Variants in THSD7B observed in about 807,000 individuals in gnomAD.
THSD7B encodes the protein thrombospondin type-1 domain-containing protein 7B.
A neutral mutation model predicts 213.6 loss-of-function variants in THSD7B; 138 were observed. That is an observed-to-expected ratio of 0.65 (90% CI 0.56 to 0.74). The LOEUF is 0.74. Among genes scored for constraint, THSD7B ranks in the 30% least tolerant of loss-of-function variants. The pLI, the probability that THSD7B is intolerant of heterozygous loss-of-function variation, is 0.00. For synonymous variants in THSD7B, 742 were observed against 687.0 expected, an observed-to-expected ratio of 1.08 and a Z score of -1.25; for missense variants, 1,931 against 1,991.5, an observed-to-expected ratio of 0.97 and a Z score of 0.58.
At chr2:137,529,032 C>A (rs1267788793) in intron 15 of THSD7B, among the ~76,000 whole-genome samples, 1 of 152,076 alleles carries the variant, frequency 6.6e-6, no homozygotes, top group African/African-American at 2.4e-5. Flanking sequence ...AAATCTTTCT[C>A]TTTACCTTTT....
intron 12 of THSD7B, among the ~76,000 whole-genome samples, chr2:137,308,250 G>A (rs1683803755): frequency 2.0e-5 from 3 of 151,968 alleles, no homozygotes; most frequent in African/African-American, 7.2e-5. Context: ...AAGCAGAAAA[G>A]ATCACCAGGA....
At position 136,825,719 on chromosome 2, in the gene THSD7B, T is replaced by TTTTTTTTTTTTTTGTTTTTTG. The variant is rs35571734; in HGVS notation, c.-35-56412_-35-56411insGTTTTTTGTTTTTTTTTTTTT. Among the ~76,000 whole-genome samples the TTTTTTTTTTTTTTGTTTTTTG allele has an allele frequency of 4.1e-3, 191 of 46,644 alleles. 1 individual carries two copies. Among genetic ancestry groups the TTTTTTTTTTTTTTGTTTTTTG allele is most frequent in the African/African-American group, 0.011 (178 of 16,776 alleles). 30.6% of individuals were successfully genotyped at this position (46,644 alleles called of 152,430 possible). ...GGTGCTCACTGCCATGCCTGGCTAA[T>TTTTTTTTTTTTTTGTTTTTTG]TTTTTTTTTTTTTTTAGATCTGGGG... On this transcript the variant is annotated intron_variant, in intron 1 of 27. Coordinates refer to ENST00000409968, the MANE Select transcript of THSD7B (RefSeq NM_001316349.2).
At chr2:136,829,951 A>G (rs1376571177) in intron 1 of THSD7B, among the ~76,000 whole-genome samples, 1 of 152,000 alleles carries the variant, frequency 6.6e-6, no homozygotes, top group Non-Finnish European at 1.5e-5. Flanking sequence ...TATTTTTATT[A>G]TACAAGCTCT....
At chr2:136,786,243 C>T (rs192239150) in intron 1 of THSD7B, among the ~76,000 whole-genome samples, 7 of 152,200 alleles carry the variant, frequency 4.6e-5, no homozygotes, top group South Asian at 2.1e-4. Context: ...ATCTGTCTGT[C>T]GGTATACATA....
intron 3 of THSD7B, among the ~76,000 whole-genome samples, chr2:137,093,059 A>G (rs1017896961): frequency 3.3e-5 from 5 of 152,188 alleles, no homozygotes; most frequent in Non-Finnish European, 5.9e-5. Context: ...CTCCCAAAGT[A>G]TTGGTTGCCT....
chr2:136,788,710 A>G (rs1181861541), intron 1 of THSD7B, among the ~76,000 whole-genome samples: 2 of 152,254 alleles, frequency 1.3e-5, no homozygotes, highest in East Asian at 3.9e-4. Flanking sequence ...CTTAAGTTTT[A>G]TGGCCCATTT....
intron 5 of THSD7B, among the ~76,000 whole-genome samples, chr2:137,142,202 G>T (rs1364632591): frequency 1.3e-5 from 2 of 152,106 alleles, no homozygotes; most frequent in African/African-American, 4.8e-5. Flanking sequence ...GACTGCTCAA[G>T]GTAAAGGAAT....
At chr2:136,826,791 C>A (rs1008968343) in intron 1 of THSD7B, among the ~76,000 whole-genome samples, 3 of 152,230 alleles carry the variant, frequency 2.0e-5, no homozygotes, top group Admixed American at 1.3e-4. Context: ...TCACACTCTG[C>A]TACTCTTCCC....
chr2:136,994,481 G>C (rs1162662842), intron 2 of THSD7B, among the ~76,000 whole-genome samples: 1 of 152,122 alleles, frequency 6.6e-6, no homozygotes, highest in Non-Finnish European at 1.5e-5. Flanking sequence ...GCAGGAGAAT[G>C]GCATGAACCC....
intron 15 of THSD7B, among the ~76,000 whole-genome samples, chr2:137,556,471 C>G (rs1558838068): frequency 6.6e-6 from 1 of 152,226 alleles, no homozygotes; most frequent in South Asian, 2.1e-4. Context: ...GAAATAAAAT[C>G]CTTTACAGAC....
chr2:137,106,375 C>T (rs985236710), intron 4 of THSD7B, among the ~76,000 whole-genome samples: 7 of 152,162 alleles, frequency 4.6e-5, no homozygotes, highest in Non-Finnish European at 7.3e-5. Context: ...CCCTTCCTTA[C>T]ACCTTATACA....
At chr2:137,596,067 G>T (rs527643978) in intron 17 of THSD7B, among the ~76,000 whole-genome samples, 1 of 151,926 alleles carries the variant, frequency 6.6e-6, no homozygotes, top group African/African-American at 2.4e-5. Context: ...CTTATTGTAG[G>T]GTCAAAAAAA....
chr2:137,025,398 A>G (rs1686531731), intron 2 of THSD7B, among the ~76,000 whole-genome samples: 1 of 152,160 alleles, frequency 6.6e-6, no homozygotes, highest in South Asian at 2.1e-4. Context: ...CTCATAGGAC[A>G]TGGCTCTGTC....
At chr2:137,061,735 T>A (rs1687278256) in intron 3 of THSD7B, among the ~76,000 whole-genome samples, 1 of 151,880 alleles carries the variant, frequency 6.6e-6, no homozygotes, top group African/African-American at 2.4e-5. Context: ...CGTAAATTCC[T>A]TTTACATAGT....
chr2:136,916,254 A>G (rs180906579), intron 2 of THSD7B, among the ~76,000 whole-genome samples: 21 of 152,296 alleles, frequency 1.4e-4, no homozygotes, highest in African/African-American at 4.8e-4. Context: ...TTGGGTTGTA[A>G]GAGCATATAC....
At chr2:137,625,259 G>T (rs2104846782) in intron 20 of THSD7B, among the ~76,000 whole-genome samples, 1 of 147,044 alleles carries the variant, frequency 6.8e-6, no homozygotes, top group Non-Finnish European at 1.5e-5. Flanking sequence ...CTCACTCACA[G>T]GTGGGAATTG....
chr2:137,502,573 T>TTACC (rs1430130076), intron 15 of THSD7B, among the ~76,000 whole-genome samples: 2 of 152,176 alleles, frequency 1.3e-5, no homozygotes. Context: ...CAAGCTATCT[T>TTACC]TACTGTGAAT....
chr2:137,021,528 C>A (rs1473675253), intron 2 of THSD7B, among the ~76,000 whole-genome samples: 1 of 152,132 alleles, frequency 6.6e-6, no homozygotes, highest in Non-Finnish European at 1.5e-5. Flanking sequence ...TTATATGAAT[C>A]TACTTAAAAA....
chr2:136,941,378 G>A (rs961312379), intron 2 of THSD7B, among the ~76,000 whole-genome samples: 3 of 152,164 alleles, frequency 2.0e-5, no homozygotes, highest in Non-Finnish European at 2.9e-5. Context: ...TCCAGTAATG[G>A]AATGGCTGAG....
Sources: gnomAD v4.1 joint callset for allele counts (sites outside exome capture counted in the v4.1 genomes callset) on GRCh38, gnomAD v4.1.1 for gene constraint, MANE v1.5 for transcripts, NCBI Gene and HGNC (gene_info 2026-07-23, HGNC 2026-07-21) for gene names.